MLLT1: variants seen among roughly 807,000 people sequenced by gnomAD.
MLLT1 encodes MLLT1 super elongation complex subunit.
In MLLT1, 11 loss-of-function variants were observed where a neutral mutation model predicts 55.1. The ratio of observed to expected loss-of-function variants is 0.20; its 90% CI spans 0.13 to 0.33. The LOEUF is 0.33. Ranked by LOEUF, MLLT1 falls within the 10% of genes least tolerant of loss-of-function variation. The probability of loss-of-function intolerance (pLI) is 1.00; values close to 1 mark genes in which losing one functional copy is unlikely to be tolerated. For synonymous variants in MLLT1, 323 were observed against 320.1 expected, an observed-to-expected ratio of 1.01 and a Z score of -0.10; for missense variants, 536 against 760.6, an observed-to-expected ratio of 0.70 and a Z score of 3.47.
chr19:6,239,035 G>A (rs1366761107), intron 3 of MLLT1, among the ~76,000 whole-genome samples: 6 of 152,236 alleles, frequency 3.9e-5, no homozygotes, highest in Non-Finnish European at 8.8e-5. Context: ...CTCAGGTTTC[G>A]TGGCATCTGG....
At chr19:6,276,871 A>T (rs1411844953) in intron 1 of MLLT1, among the ~76,000 whole-genome samples, 2 of 152,212 alleles carry the variant, frequency 1.3e-5, no homozygotes, top group Non-Finnish European at 2.9e-5. Flanking sequence ...TAAGGAAAAG[A>T]TGTCAATGCT....
At chr19:6,238,172 C>T (rs4807852) in intron 3 of MLLT1, among the ~76,000 whole-genome samples, 56,129 of 152,078 alleles carry the variant, frequency 0.37, 13,054 homozygotes, top group African/African-American at 0.66. Flanking sequence ...TTTTAAAAGA[C>T]GTATGTCCAC....
intron 1 of MLLT1, among the ~76,000 whole-genome samples, chr19:6,272,549 G>A (rs1190947106): frequency 6.6e-6 from 1 of 152,224 alleles, no homozygotes; most frequent in African/African-American, 2.4e-5. Context: ...ACAGAAGCCT[G>A]TGGACAGCTC....
Position 6,213,171 on chromosome 19 carries a change from C to G in MLLT1, c.1552-1G>C. The stretch of plus-strand genomic sequence containing the variant: ...CAGTCTCCTCGATCAGATTCACAAT[C>G]TGTAAGGTGGTGGCAGGTGGCTTCA... On this transcript the variant is annotated splice_acceptor_variant, in intron 11 of 11. Transcript: ENST00000252674. LOFTEE classifies it high-confidence loss of function. 1 of 1,613,956 alleles carries G rather than the reference C, an allele frequency of 6.2e-7. No individual in the cohort carries two copies. Among genetic ancestry groups the G allele is most frequent in the Non-Finnish European group, 8.5e-7 (1 of 1,179,890 alleles).
In MLLT1 at chr19:6,231,041, CAACT is replaced by C. The variant is rs1317202709; in HGVS notation, c.277-332_277-329del. 6.6e-6 allele frequency among the ~76,000 whole-genome samples: 1 copy of C among 152,220 alleles called. No homozygotes were observed. Among genetic ancestry groups the C allele is most frequent in the African/African-American group, 2.4e-5 (1 of 41,462 alleles). On this transcript the variant is annotated intron_variant, in intron 3 of 11. Coordinates refer to ENST00000252674, the MANE Select transcript of MLLT1 (RefSeq NM_005934.4). The surrounding 1 kb of genome is among the most constrained non-coding windows in gnomAD (Gnocchi z 5.1). ...GACAGGGAAACCGACGCACAGACAC[CAACT>C]AACACGTGGCAGCACTGAGACCTGC...
rs746374882 is a variant in MLLT1, at chr19:6,213,032, C to A, written c.*10G>T. The A allele has an allele frequency of 3.7e-6, 6 of 1,612,050 alleles. 1 individual carries two copies. The Admixed American group carries it at 1.0e-4, about 27-fold the overall frequency. On this transcript the variant is annotated 3_prime_UTR_variant, in exon 12 of 12. Coordinates refer to ENST00000252674, the MANE Select transcript of MLLT1 (RefSeq NM_005934.4). ...ACCCCGGCGGTGGGGGCCCGGCACG[C>A]GGCCCAGGGTCATGTGGCCACGGCC...
At chr19:6,244,835 G>T (rs1297934465) in intron 3 of MLLT1, among the ~76,000 whole-genome samples, 1 of 152,042 alleles carries the variant, frequency 6.6e-6, no homozygotes, top group Non-Finnish European at 1.5e-5. Context: ...ACATGAAAAC[G>T]ATGCTCATTA....
rs918436916 is a variant in MLLT1, at chr19:6,273,503, C to T, written c.13-2744G>A. Among the ~76,000 whole-genome samples, 17 of 152,150 alleles carry T rather than the reference C, an allele frequency of 1.1e-4. 1 individual carries two copies. The highest frequency in any genetic ancestry group is 4.1e-4 in the South Asian group (2 of 4,832). ...AACACACGAGGTGAGGGCTGAGCAC[C>T]GGCATGGCAATACTCAGGCCAAGCA... is the stretch of plus-strand genomic sequence containing the variant. On this transcript the variant is annotated intron_variant, in intron 1 of 11. Transcript: ENST00000252674. The surrounding 1 kb of genome is among the most constrained non-coding windows in gnomAD (Gnocchi z 4.3).
chr19:6,221,369 A>G (rs1261277205), intron 6 of MLLT1, among the ~76,000 whole-genome samples: 1 of 152,262 alleles, frequency 6.6e-6, no homozygotes, highest in African/African-American at 2.4e-5. Flanking sequence ...GTCTGGCCAC[A>G]AGACCATGAG....
chr19:6,271,523 T>A (rs1330723717), intron 1 of MLLT1, among the ~76,000 whole-genome samples: 1 of 152,238 alleles, frequency 6.6e-6, no homozygotes, highest in East Asian at 1.9e-4. Context: ...TCTGACACTT[T>A]GCTCTGAAAT....
rs776012193 is a variant in MLLT1 at position 6,256,254 on chromosome 19, T to TAAATAAAG, written c.276+5973_276+5974insCTTTATTT. On this transcript the variant is annotated intron_variant, in intron 3 of 11. Transcript: ENST00000252674. This position sits in a 1 kb window ranked among gnomAD's most constrained non-coding sequence, Gnocchi z 4.1. ...ATAAATAAATAAATAAATAAATAAA[T>TAAATAAAG]AAAAAGACCAGCCTGGGCAACACAA... 6.7e-6 allele frequency among the ~76,000 whole-genome samples: 1 copy of TAAATAAAG among 148,304 alleles called. No individual in the cohort carries two copies.
chr19:6,215,673 C>T (rs1295938293), intron 8 of MLLT1, among the ~76,000 whole-genome samples: 2 of 152,226 alleles, frequency 1.3e-5, no homozygotes, highest in African/African-American at 4.8e-5. Context: ...ATAACCAGCC[C>T]TGTCTCCAGT....
At position 6,216,394 on chromosome 19, in the gene MLLT1, C is replaced by T. The variant is rs754683611; in HGVS notation, c.1307+11G>A. On this transcript the variant is annotated intron_variant, in intron 8 of 11. Coordinates refer to ENST00000252674, the MANE Select transcript of MLLT1 (RefSeq NM_005934.4). ...GCCGCCTCCGCCCCCTGGCTCCCAC[C>T]GGGCCGTCACCTGGAGTCCCTCCCC... is the stretch of plus-strand genomic sequence containing the variant. The T allele has an allele frequency of 6.7e-5, 106 of 1,590,782 alleles. No individual in the cohort carries two copies. The Admixed American group carries it at 1.3e-3, about 19-fold the overall frequency.
chr19:6,236,144 A>G (rs1265592431), intron 3 of MLLT1, among the ~76,000 whole-genome samples: 1 of 152,234 alleles, frequency 6.6e-6, no homozygotes, highest in Non-Finnish European at 1.5e-5. Flanking sequence ...CAGGGATCAC[A>G]AGAGAGAAGA....
At chr19:6,233,761 C>G (rs1236512776) in intron 3 of MLLT1, among the ~76,000 whole-genome samples, 12 of 152,230 alleles carry the variant, frequency 7.9e-5, no homozygotes, top group Admixed American at 7.8e-4. Context: ...CCCTGCTACA[C>G]AGCTGGTCCG....
Position 6,213,422 on chromosome 19 carries a change from G to T in MLLT1, c.1480-14C>A, listed in dbSNP as rs781610916. On this transcript the variant is annotated splice_polypyrimidine_tract_variant and intron_variant, in intron 10 of 11. Coordinates refer to ENST00000252674, the MANE Select transcript of MLLT1 (RefSeq NM_005934.4). The stretch of plus-strand genomic sequence containing the variant: ...ATCCGTGTAGGCCTGGGGAGGGGGG[G>T]CAGGTCTCAGCAGCGTGTGGGGGCC... 2.5e-6 allele frequency: 4 copies of T among 1,604,762 alleles called. No homozygotes were observed. Among genetic ancestry groups the T allele is most frequent in the Middle Eastern group, 1.7e-4 (1 of 6,052 alleles).
Position 6,222,762 on chromosome 19 carries a change from C to A in MLLT1, c.547-78G>T. ...TGCGGGGCGCCCTGCTCCGCCACCC[C>A]TGACCCCTACAAAGCATAATCCACC... On this transcript the variant is annotated intron_variant, in intron 5 of 11. Transcript: ENST00000252674. This position sits in a 1 kb window ranked among gnomAD's most constrained non-coding sequence, Gnocchi z 4.1. The A allele has an allele frequency of 8.1e-7, 1 of 1,234,146 alleles. No individual in the cohort carries two copies. Among genetic ancestry groups the A allele is most frequent in the Non-Finnish European group, 1.1e-6 (1 of 910,548 alleles). The allele number at this position is 1,234,146 out of a possible 1,614,324, so 76.4% of individuals were successfully genotyped here.
At chr19:6,260,584 C>T (rs2091296108) in intron 3 of MLLT1, among the ~76,000 whole-genome samples, 1 of 152,274 alleles carries the variant, frequency 6.6e-6, no homozygotes, top group Non-Finnish European at 1.5e-5. Context: ...AGGCAGCAGC[C>T]GGAGCCCCTT....
intron 1 of MLLT1, among the ~76,000 whole-genome samples, chr19:6,272,692 G>A (rs985056428): frequency 6.6e-6 from 1 of 152,334 alleles, no homozygotes. Context: ...CACGGGACAG[G>A]AGGCCTGGAC....
Sources: gnomAD v4.1 joint callset for allele counts (sites outside exome capture counted in the v4.1 genomes callset) on GRCh38, gnomAD v4.1.1 for gene constraint, Gnocchi (gnomAD v3.1) non-coding constraint, MANE v1.5 for transcripts, NCBI Gene and HGNC (gene_info 2026-07-23, HGNC 2026-07-21) for gene names.